ZNF804B: variants seen among roughly 807,000 people sequenced by gnomAD.
ZNF804B encodes the protein zinc finger 804B.
Under a neutral mutation model 101.4 loss-of-function variants are expected in ZNF804B, and 80 were observed. The observed-to-expected ratio is 0.79, with a 90% CI of 0.66 to 0.95. The LOEUF is 0.95. Among genes scored for constraint, ZNF804B ranks in the 40% least tolerant of loss-of-function variants. The pLI, the probability that ZNF804B is intolerant of heterozygous loss-of-function variation, is 0.00. For synonymous variants in ZNF804B, 622 were observed against 558.8 expected (o/e 1.11, Z -1.59); for missense variants, 1,673 against 1,561.9 (o/e 1.07, Z -1.20).
chr7:89,265,823 G>A (rs1322679820), intron 2 of ZNF804B, among the ~76,000 whole-genome samples: 3 of 152,064 alleles, frequency 2.0e-5, no homozygotes, highest in Admixed American at 2.0e-4. Flanking sequence ...TTGACCCCTG[G>A]CAATAGTCCC....
In ZNF804B at chr7:89,336,086, CAG is replaced by C; in HGVS notation, c.3107_3108del (p.Glu1036ValfsTer21). The C allele has an allele frequency of 1.2e-6, 2 of 1,613,904 alleles. No individual in the cohort carries two copies. The highest frequency in any genetic ancestry group is 1.7e-6 in the Non-Finnish European group (2 of 1,179,966). On this transcript the variant is annotated frameshift_variant, in exon 4 of 4. Transcript: ENST00000333190. LOFTEE classifies it high-confidence loss of function. ...TCTAAAGGTATAATTCACCTAGTAACAGAGTCTCAGTCACTAAACATAAAAAG... is the reference window on the plus strand; with the variant it reads ...TCTAAAGGTATAATTCACCTAGTAACAGTCTCAGTCACTAAACATAAAAAG...
intron 1 of ZNF804B, among the ~76,000 whole-genome samples, chr7:89,183,303 A>G (rs1788327127): frequency 6.6e-6 from 1 of 152,130 alleles, no homozygotes; most frequent in Admixed American, 6.6e-5. Flanking sequence ...TCCTGGAGAA[A>G]TTAAACATTT....
chr7:89,193,429 A>C (rs1788492634), intron 1 of ZNF804B, among the ~76,000 whole-genome samples: 1 of 151,406 alleles, frequency 6.6e-6, no homozygotes, highest in Non-Finnish European at 1.5e-5. Flanking sequence ...GTCATTTAGC[A>C]TTAGGTATAC....
At chr7:89,291,698 T>C (rs1216505560) in intron 2 of ZNF804B, among the ~76,000 whole-genome samples, 1 of 151,982 alleles carries the variant, frequency 6.6e-6, no homozygotes, top group Non-Finnish European at 1.5e-5. Flanking sequence ...AGAGAGGGAT[T>C]AGGGTAGAAA....
intron 1 of ZNF804B, among the ~76,000 whole-genome samples, chr7:89,009,362 A>G (rs539438487): frequency 2.5e-4 from 38 of 152,198 alleles, no homozygotes; most frequent in Admixed American, 9.2e-4. Context: ...TCCACTCTCA[A>G]TCTTCTCAAT....
chr7:88,942,262 T>C (rs2116048452), intron 1 of ZNF804B, among the ~76,000 whole-genome samples: 1 of 152,128 alleles, frequency 6.6e-6, no homozygotes, highest in Non-Finnish European at 1.5e-5. Flanking sequence ...ATTCATCTTT[T>C]TCATTGTGCC....
At chr7:88,884,335 A>T (rs1179835398) in intron 1 of ZNF804B, among the ~76,000 whole-genome samples, 1 of 151,708 alleles carries the variant, frequency 6.6e-6, no homozygotes, top group Non-Finnish European at 1.5e-5. Flanking sequence ...GGAGACTTTA[A>T]AATGAAAAGT....
intron 1 of ZNF804B, among the ~76,000 whole-genome samples, chr7:88,962,159 T>A (rs1793394436): frequency 6.6e-6 from 1 of 151,262 alleles, no homozygotes; most frequent in Admixed American, 6.6e-5. Flanking sequence ...TTTATAGACC[T>A]AAAATGGTTT....
chr7:89,150,352 A>G (rs571760235), intron 1 of ZNF804B, among the ~76,000 whole-genome samples: 1 of 152,202 alleles, frequency 6.6e-6, no homozygotes, highest in South Asian at 2.1e-4. Flanking sequence ...ACCTGATGCT[A>G]TGTTGAGGCC....
At chr7:89,210,706 T>C (rs1202640070) in intron 1 of ZNF804B, among the ~76,000 whole-genome samples, 1 of 152,222 alleles carries the variant, frequency 6.6e-6, no homozygotes, top group Non-Finnish European at 1.5e-5. Context: ...TAGTATTCCA[T>C]GGTGTCTATG....
chr7:89,333,978 A>C lies in ZNF804B; in HGVS notation c.996A>C (p.Ser332=). The C allele has an allele frequency of 6.2e-7, 1 of 1,613,538 alleles. No homozygotes were observed. The highest frequency in any genetic ancestry group is 8.5e-7 in the Non-Finnish European group (1 of 1,179,746). ...TCTCTAAATCTAACATTCATCTTTC[A>C]GATGTAGATTTTACTCCTACCAGCA... The part of the protein sequence containing the change: ...ASFSKSNIHL[S]DVDFTPTSRE... Residue 332 remains serine (S), a synonymous_variant, in exon 4 of 4, where the codon TCA becomes TCC. Coordinates refer to ENST00000333190, the MANE Select transcript of ZNF804B (RefSeq NM_181646.5).
At chr7:89,067,780 T>C (rs552768980) in intron 1 of ZNF804B, among the ~76,000 whole-genome samples, 1 of 152,060 alleles carries the variant, frequency 6.6e-6, no homozygotes, top group South Asian at 2.1e-4. Flanking sequence ...TCTATCTGTG[T>C]GACTTTAGGC....
intron 1 of ZNF804B, among the ~76,000 whole-genome samples, chr7:89,101,039 A>G (rs1304685991): frequency 1.3e-5 from 2 of 152,046 alleles, no homozygotes; most frequent in Non-Finnish European, 2.9e-5. Flanking sequence ...GAAATGATAC[A>G]TTCTATTGTC....
intron 1 of ZNF804B, among the ~76,000 whole-genome samples, chr7:89,099,012 C>T (rs1368408058): frequency 3.4e-5 from 5 of 147,530 alleles, no homozygotes; most frequent in Admixed American, 6.8e-5. Flanking sequence ...CAATTATATA[C>T]GTTTGAATAT....
chr7:89,095,016 T>C (rs914333151), intron 1 of ZNF804B, among the ~76,000 whole-genome samples: 1 of 152,192 alleles, frequency 6.6e-6, no homozygotes, highest in Non-Finnish European at 1.5e-5. Flanking sequence ...TATAATGTGC[T>C]CTTCTTGTGA....
At chr7:88,955,019 G>C (rs924625231) in intron 1 of ZNF804B, among the ~76,000 whole-genome samples, 1 of 150,792 alleles carries the variant, frequency 6.6e-6, no homozygotes, top group East Asian at 2.0e-4. Flanking sequence ...CTAGCTCTTA[G>C]GGTGGCTGAG....
rs1182258693 is a variant in ZNF804B at position 88,871,356 on chromosome 7, C to CATT, written c.108+111281_108+111283dup. Among the ~76,000 whole-genome samples the CATT allele has an allele frequency of 1.3e-5, 2 of 151,300 alleles. 1 individual carries two copies. Among genetic ancestry groups the CATT allele is most frequent in the Non-Finnish European group, 2.9e-5 (2 of 67,868 alleles). ...AATTAAGGGGGAAGAAGAGGGAACA[C>CATT]ATTATTATTATAATAAAAAAGTAAA... is the stretch of plus-strand genomic sequence containing the variant. On this transcript the variant is annotated intron_variant, in intron 1 of 3. Coordinates refer to ENST00000333190, the MANE Select transcript of ZNF804B (RefSeq NM_181646.5).
At chr7:89,022,105 A>G (rs1788677123) in intron 1 of ZNF804B, among the ~76,000 whole-genome samples, 2 of 152,044 alleles carry the variant, frequency 1.3e-5, no homozygotes, top group Non-Finnish European at 2.9e-5. Flanking sequence ...TGATCTCATC[A>G]TAGGAGACAG....
intron 1 of ZNF804B, among the ~76,000 whole-genome samples, chr7:88,854,529 T>TCCTTTCCTTCC (rs1562812904): frequency 1.7e-5 from 1 of 57,920 alleles, no homozygotes; most frequent in African/African-American, 7.3e-5. Context: ...TTCCTTCCTT[T>TCCTTTCCTTCC]CCTTCCTTCC....
Sources: allele counts gnomAD v4.1 joint callset (sites outside exome capture counted in the v4.1 genomes callset), GRCh38; gene constraint gnomAD v4.1.1; transcripts MANE v1.5; gene names NCBI Gene and HGNC (gene_info 2026-07-23, HGNC 2026-07-21).